The following SLC23A2 variants were observed in gnomAD, a reference collection of about 807,000 sequenced individuals.
SLC23A2 encodes solute carrier family 23 member 2, also known as Na(+)/L-ascorbic acid transporter 2.
In SLC23A2, 36 loss-of-function variants were observed where a neutral mutation model predicts 73.3. That is an observed-to-expected ratio of 0.49 (90% CI 0.38 to 0.65). SLC23A2 has a LOEUF of 0.65. Among genes scored for constraint, SLC23A2 ranks in the 30% least tolerant of loss-of-function variants. SLC23A2 has a pLI of 0.00. For missense variants in SLC23A2, 507 were observed against 841.6 expected (o/e 0.60, Z 4.92); for synonymous variants, 343 against 327.3 (o/e 1.05, Z -0.52).
At chr20:4,871,191 A>G (rs528153810) in intron 11 of SLC23A2, among the ~76,000 whole-genome samples, 2 of 152,344 alleles carry the variant, frequency 1.3e-5, no homozygotes, top group South Asian at 4.1e-4. Context: ...ACGATGGCTA[A>G]AACATGGTCT....
intron 6 of SLC23A2, among the ~76,000 whole-genome samples, chr20:4,890,306 C>A (rs886306247): frequency 1.3e-5 from 2 of 152,072 alleles, no homozygotes; most frequent in Non-Finnish European, 2.9e-5. Context: ...CTTTGAGGAG[C>A]CATAGGTTCT....
At chr20:4,874,427 T>C (rs1355159975) in intron 10 of SLC23A2, 149 bp downstream of exon 10, 2 of 733,132 alleles carry the variant, frequency 2.7e-6, no homozygotes, top group African/African-American at 3.5e-5. Context: ...TTTAAGTCTA[T>C]GATGATCTGA....
Position 4,871,381 on chromosome 20 carries a change from G to A in SLC23A2, c.1103-1328C>T, listed in dbSNP as rs59464997. 1.1e-4 allele frequency among the ~76,000 whole-genome samples: 16 copies of A among 152,292 alleles called. No individual in the cohort carries two copies. In the East Asian group the frequency reaches 3.1e-3, roughly 29 times the overall value. ...AGGGAAGGATCTGAGGAGGAGGTGG[G>A]AACGGAGGTGCCCCTCCAGGGATCG... On this transcript the variant is annotated intron_variant, in intron 11 of 16. Transcript: ENST00000338244.
At chr20:4,941,919 T>A (rs2122963502) in intron 2 of SLC23A2, among the ~76,000 whole-genome samples, 1 of 152,302 alleles carries the variant, frequency 6.6e-6, no homozygotes, top group South Asian at 2.1e-4. Flanking sequence ...TGGCCATGTA[T>A]ACACACACCA....
intron 3 of SLC23A2, among the ~76,000 whole-genome samples, chr20:4,926,510 C>CTT (rs3055953): frequency 1.8e-4 from 19 of 105,018 alleles, no homozygotes; most frequent in African/African-American, 4.7e-4. Context: ...ATTTTTTTTG[C>CTT]TTTTTTTTTT....
At chr20:4,953,894 G>A (rs1715361) in intron 2 of SLC23A2, among the ~76,000 whole-genome samples, 26,482 of 151,736 alleles carry the variant, frequency 0.17, 4,247 homozygotes, top group African/African-American at 0.43. Flanking sequence ...CTCAAAAATA[G>A]ATAAATAAAA....
At chr20:4,870,311 G>A (rs1378355252) in intron 11 of SLC23A2, among the ~76,000 whole-genome samples, 1 of 152,186 alleles carries the variant, frequency 6.6e-6, no homozygotes, top group Non-Finnish European at 1.5e-5. Flanking sequence ...GGATGCGGTG[G>A]CTCACGCCTG....
rs11907979 is a variant in SLC23A2 at position 4,863,645 on chromosome 20, C to T, written c.1357-738G>A. Among the ~76,000 whole-genome samples the T allele has an allele frequency of 0.14, 20,950 of 152,120 alleles. 1,601 individuals are homozygous for T. Among genetic ancestry groups the T allele is most frequent in the African/African-American group, 0.19 (7,892 of 41,476 alleles). On this transcript the variant is annotated intron_variant, in intron 13 of 16. Transcript: ENST00000338244. The surrounding 1 kb of genome is among the most constrained non-coding windows in gnomAD (Gnocchi z 4.8). ...GGGCCACGGGGTCACCTTTCTAACA[C>T]ATGAAATTGGGGAGGCTGGTCCCCT...
chr20:4,870,225 T>C (rs1930389240), intron 11 of SLC23A2, among the ~76,000 whole-genome samples, 172 bp from the exon 12 acceptor site: 1 of 152,152 alleles, frequency 6.6e-6, no homozygotes, highest in South Asian at 2.1e-4. Flanking sequence ...CTGGGACAGT[T>C]GCTAAGTCAG....
chr20:4,992,052 G>C (rs915746887), intron 1 of SLC23A2, among the ~76,000 whole-genome samples: 1 of 152,132 alleles, frequency 6.6e-6, no homozygotes, highest in Non-Finnish European at 1.5e-5. Context: ...AGAGGTTGCA[G>C]TGAGCCGAGA....
At chr20:4,959,841 T>C (rs553578154) in intron 2 of SLC23A2, among the ~76,000 whole-genome samples, 1 of 152,276 alleles carries the variant, frequency 6.6e-6, no homozygotes, top group East Asian at 1.9e-4. Context: ...AGGATTACAG[T>C]GGCAGGCTCA....
In SLC23A2 at chr20:4,961,675, G is replaced by A. The variant is rs535351942; in HGVS notation, c.-155+9118C>T. On this transcript the variant is annotated intron_variant, in intron 2 of 16. Coordinates refer to ENST00000338244, the MANE Select transcript of SLC23A2 (RefSeq NM_005116.6). ...GATAAGGACAGGCCACTGAACACAT[G>A]ACTGAGATTCCAGCCCTGACTGTGC... Among the ~76,000 whole-genome samples, 12 of 152,290 alleles carry A rather than the reference G, an allele frequency of 7.9e-5. No homozygotes were observed. In the South Asian group the frequency reaches 2.1e-3, roughly 26 times the overall value.
chr20:4,866,207 C>T (rs942366687), intron 13 of SLC23A2, among the ~76,000 whole-genome samples: 4 of 152,288 alleles, frequency 2.6e-5, no homozygotes, highest in African/African-American at 7.2e-5. Context: ...CTCTGTAAAT[C>T]GTTGTCAGAC....
rs540368333 is a variant in SLC23A2 at position 4,899,001 on chromosome 20, G to A, written c.482+554C>T. On this transcript the variant is annotated intron_variant, in intron 6 of 16. Transcript: ENST00000338244. The surrounding 1 kb of genome is among the most constrained non-coding windows in gnomAD (Gnocchi z 4.9). ...CAGCGGGCCCTTGGGAGTGAGGCCA[G>A]GGAAGGCAGGAGACAGGGCTCAGAG... 6.6e-6 allele frequency among the ~76,000 whole-genome samples: 1 copy of A among 152,336 alleles called. No homozygotes were observed. Among genetic ancestry groups the A allele is most frequent in the African/African-American group, 2.4e-5 (1 of 41,576 alleles).
At chr20:4,934,825 T>G (rs1051831186) in intron 2 of SLC23A2, among the ~76,000 whole-genome samples, 2 of 151,342 alleles carry the variant, frequency 1.3e-5, no homozygotes, top group African/African-American at 2.4e-5. Context: ...ATTGCGCCAT[T>G]GTACTCCAGC....
In SLC23A2 at chr20:4,856,952, G is replaced by C. The variant is rs1929735491; in HGVS notation, c.*20C>G. 4 of 1,548,176 alleles carry C rather than the reference G, an allele frequency of 2.6e-6. No individual in the cohort carries two copies. Among genetic ancestry groups the C allele is most frequent in the Non-Finnish European group, 1.8e-6 (2 of 1,122,228 alleles). ...CAGATACATGCCTCACTGCGGCCAG[G>C]CCACAGGGCACAGCAAAGGCTATCC... On this transcript the variant is annotated 3_prime_UTR_variant, in exon 17 of 17. Coordinates refer to ENST00000338244, the MANE Select transcript of SLC23A2 (RefSeq NM_005116.6). This position sits in a 1 kb window ranked among gnomAD's most constrained non-coding sequence, Gnocchi z 4.6.
intron 13 of SLC23A2, among the ~76,000 whole-genome samples, chr20:4,865,755 C>A (rs1426550860): frequency 6.6e-6 from 1 of 152,172 alleles, no homozygotes. Flanking sequence ...ACGCTTAACT[C>A]CCTGATATAA....
chr20:4,942,476 T>TA (rs2087058485), intron 2 of SLC23A2, among the ~76,000 whole-genome samples: 1 of 151,140 alleles, frequency 6.6e-6, no homozygotes, highest in African/African-American at 2.4e-5. Flanking sequence ...AGTAGAAAAG[T>TA]AAAATAAAAT....
chr20:4,943,395 C>T (rs773301800), intron 2 of SLC23A2, among the ~76,000 whole-genome samples: 4 of 151,766 alleles, frequency 2.6e-5, no homozygotes, highest in African/African-American at 4.8e-5. Context: ...GGGCCAGGCA[C>T]GGTGGATCAC....
Sources: allele counts gnomAD v4.1 joint callset (sites outside exome capture counted in the v4.1 genomes callset), GRCh38; gene constraint gnomAD v4.1.1; non-coding constraint Gnocchi (gnomAD v3.1); transcripts MANE v1.5; gene names NCBI Gene and HGNC (gene_info 2026-07-23, HGNC 2026-07-21).